The following NLRC3 variants were observed in gnomAD, a reference collection of about 807,000 sequenced individuals.
NLRC3 encodes the protein NLR family CARD domain-containing protein 3.
NLRC3 carries 87 observed loss-of-function variants against 91.6 expected under a neutral mutation model. That is an observed-to-expected ratio of 0.95 (90% confidence interval 0.80 to 1.14). NLRC3 has a LOEUF of 1.14. Among genes scored for constraint, NLRC3 ranks in the 50% most tolerant of loss-of-function variants. The probability of loss-of-function intolerance (pLI) is 0.00; values close to 1 mark genes in which losing one functional copy is unlikely to be tolerated. For missense variants in NLRC3, 1,577 were observed against 1,418.6 expected (o/e 1.11, Z -1.79); for synonymous variants, 694 against 625.3 (o/e 1.11, Z -1.64).
At chr16:3,559,357 T>C (rs1007819901) in intron 6 of NLRC3, among the ~76,000 whole-genome samples, 3 of 152,156 alleles carry the variant, frequency 2.0e-5, no homozygotes, top group Non-Finnish European at 2.9e-5. Flanking sequence ...TTCAGAATAA[T>C]TTACTTTTAT....
chr16:3,557,425 G>A (rs1483057817), intron 7 of NLRC3, among the ~76,000 whole-genome samples, 168 bp downstream of exon 7: 1 of 152,200 alleles, frequency 6.6e-6, no homozygotes, highest in Non-Finnish European at 1.5e-5. Context: ...TCCAAATGAA[G>A]TATGGATATT....
intron 1 of NLRC3, among the ~76,000 whole-genome samples, chr16:3,573,780 T>A (rs1055964646): frequency 6.6e-6 from 1 of 152,174 alleles, no homozygotes; most frequent in Non-Finnish European, 1.5e-5. Flanking sequence ...TTAACCATTT[T>A]AAAAATAATT....
At chr16:3,547,730 G>A (rs562098488) in intron 15 of NLRC3, among the ~76,000 whole-genome samples, 150 of 152,204 alleles carry the variant, frequency 9.9e-4, no homozygotes, top group Middle Eastern at 3.4e-3. Flanking sequence ...GTGCAGTGAC[G>A]CGATCTCTGC....
chr16:3,544,182 C>T (rs2151080698), intron 16 of NLRC3, 64 bp downstream of exon 16: 2 of 909,684 alleles, frequency 2.2e-6, no homozygotes, highest in South Asian at 1.5e-5. Flanking sequence ...AAAAAAAAGA[C>T]CTCTAACGTG....
chr16:3,557,602 G>A lies in NLRC3; in HGVS notation c.2090C>T (p.Thr697Ile). 2 of 1,611,682 alleles carry A rather than the reference G, an allele frequency of 1.2e-6. No homozygotes were observed. The highest frequency in any genetic ancestry group is 1.7e-6 in the Non-Finnish European group (2 of 1,177,948). ...GGTTGTCCTTACTTACTCCAGAGAGGTCAGACTTCTGTTGACCAAGAGGGA... is the reference window on the plus strand; with the variant it reads ...GGTTGTCCTTACTTACTCCAGAGAGATCAGACTTCTGTTGACCAAGAGGGA... The part of the protein sequence containing the change: ...ARSLLVNRSL[T>I]SLDLRGNSIG... Residue 697 changes from threonine to isoleucine, a missense_variant, in exon 7 of 20, where the codon ACC (threonine) becomes ATC (isoleucine). Thr to Ile is a moderately conservative substitution (Grantham distance 89, BLOSUM62 -1). Coordinates refer to ENST00000359128, the MANE Select transcript of NLRC3 (RefSeq NM_178844.4).
intron 9 of NLRC3, among the ~76,000 whole-genome samples, chr16:3,552,530 T>G (rs2039070527): frequency 6.6e-6 from 1 of 152,098 alleles, no homozygotes; most frequent in Non-Finnish European, 1.5e-5. Flanking sequence ...CAGAGATCAG[T>G]AGGTGCTGAT....
chr16:3,548,879 G>A (rs1441304326), intron 13 of NLRC3, 126 bp from the exon 14 acceptor site: 1 of 701,752 alleles, frequency 1.4e-6, no homozygotes, highest in Non-Finnish European at 2.4e-6. Context: ...GCTTCCTGGG[G>A]ATACGTTGCC....
At position 3,558,295 on chromosome 16, in the gene NLRC3, C is replaced by T. The variant is rs559849500; in HGVS notation, c.2016-619G>A. On this transcript the variant is annotated intron_variant, in intron 6 of 19. Transcript: ENST00000359128. ...GCAATGAGCCATGATGACATCACTG[C>T]GCTCCAGCCTGAGCGACAGAGTGAG... Among the ~76,000 whole-genome samples, 20 of 152,244 alleles carry T rather than the reference C, an allele frequency of 1.3e-4. No individual in the cohort carries two copies. The South Asian group carries it at 1.5e-3, about 11-fold the overall frequency.
Position 3,557,574 on chromosome 16 carries a change from C to G in NLRC3, c.2099+19G>C, listed in dbSNP as rs2039403065. 1.3e-6 allele frequency: 2 copies of G among 1,570,150 alleles called. No individual in the cohort carries two copies. The highest frequency in any genetic ancestry group is 1.8e-6 in the Non-Finnish European group (2 of 1,141,676). ...CTGGTTCCAATGGCAAAAGTTCGGCCTTGGTTGTCCTTACTTACTCCAGAG... is the reference window on the plus strand; with the variant it reads ...CTGGTTCCAATGGCAAAAGTTCGGCGTTGGTTGTCCTTACTTACTCCAGAG... On this transcript the variant is annotated intron_variant, in intron 7 of 19. Coordinates refer to ENST00000359128, the MANE Select transcript of NLRC3 (RefSeq NM_178844.4).
rs374010922 is a variant in NLRC3, at chr16:3,548,714, G to A, written c.2643C>T (p.Ala881=). Residue 881 remains alanine, a synonymous_variant, in exon 14 of 20, where the codon GCC becomes GCT. Coordinates refer to ENST00000359128, the MANE Select transcript of NLRC3 (RefSeq NM_178844.4). The part of the protein sequence containing the change: ...ANLLHDQGAR[A]IAVAVRENRT... ...GGTTTTCTCTCACTGCCACTGCGAT[G>A]GCCCGGGCACCCTGGTCGTGGAGGA... 5.7e-5 allele frequency: 91 copies of A among 1,604,160 alleles called. No individual in the cohort carries two copies. The highest frequency in any genetic ancestry group is 7.7e-5 in the Non-Finnish European group (90 of 1,175,716).
intron 15 of NLRC3, among the ~76,000 whole-genome samples, chr16:3,547,754 TG>T (rs1341166324): frequency 1.3e-5 from 2 of 152,138 alleles, no homozygotes; most frequent in Non-Finnish European, 2.9e-5. Context: ...CTGCAACCTG[TG>T]CCTCCTGAGT....
At chr16:3,567,924 G>C (rs181328854) in intron 1 of NLRC3, among the ~76,000 whole-genome samples, 6 of 151,028 alleles carry the variant, frequency 4.0e-5, no homozygotes, top group African/African-American at 1.5e-4. Context: ...GGAGTGCAAT[G>C]GCGTGATCTC....
In NLRC3 at chr16:3,565,016, C is replaced by T. The variant is rs1205633781; in HGVS notation, c.21G>A (p.Arg7=). 2 of 1,610,086 alleles carry T rather than the reference C, an allele frequency of 1.2e-6. No individual in the cohort carries two copies. The change falls in exon 4 of 20, where the codon CGG becomes CGA. Residue 7 remains arginine (R), a synonymous_variant. Coordinates refer to ENST00000359128, the MANE Select transcript of NLRC3 (RefSeq NM_178844.4). The part of the protein sequence containing the change: MRKQEV[R]TGREAGQGHG... ...GGCCCTGGCCGGCCTCCCTGCCCGT[C>T]CGCACCTCTTGCTTCCTCATGGAGT...
At chr16:3,544,183 C>A in intron 16 of NLRC3, 63 bp downstream of exon 16, 5 of 942,244 alleles carry the variant, frequency 5.3e-6, no homozygotes, top group East Asian at 2.5e-5. Context: ...AAAAAAAGAC[C>A]TCTAACGTGA....
Position 3,541,664 on chromosome 16 carries a change from G to A in NLRC3, c.*161C>T, listed in dbSNP as rs2038399275. 3 of 612,300 alleles carry A rather than the reference G, an allele frequency of 4.9e-6. No homozygotes were observed. Among genetic ancestry groups the A allele is most frequent in the South Asian group, 3.9e-5 (2 of 51,562 alleles). 37.9% of individuals were successfully genotyped at this position (612,300 alleles called of 1,614,324 possible). A position where few individuals can be genotyped will look rare whatever the true frequency, so the allele number is the denominator to read the frequency against. ...CTCCTGCAGCAGAAGAGGAGCTCAC[G>A]ACCTCCTCCGGCAGCACCTCTCCTT... On this transcript the variant is annotated 3_prime_UTR_variant, in exon 20 of 20. Coordinates refer to ENST00000359128, the MANE Select transcript of NLRC3 (RefSeq NM_178844.4).
Position 3,552,247 on chromosome 16 carries a change from G to A in NLRC3, c.2300C>T (p.Ala767Val), listed in dbSNP as rs771610790. 1.2e-6 allele frequency: 2 copies of A among 1,613,498 alleles called. No homozygotes were observed. Among genetic ancestry groups the A allele is most frequent in the South Asian group, 2.2e-5 (2 of 91,068 alleles). Reference protein sequence around the residue: ...LQKNSIGPMGAQRMADALKQN... With the variant: ...LQKNSIGPMGVQRMADALKQN... ...CTTCAAGGCATCTGCCATCCGCTGGGCTCCCATGGGCCCGATGCTGTTCTT... is the reference window on the plus strand; with the variant it reads ...CTTCAAGGCATCTGCCATCCGCTGGACTCCCATGGGCCCGATGCTGTTCTT... Residue 767 changes from alanine to valine, a missense_variant, in exon 10 of 20, where the codon GCC becomes GTC. Ala to Val is a moderately conservative substitution (Grantham distance 64). Transcript: ENST00000359128.
chr16:3,549,662 A>G, intron 12 of NLRC3, 35 bp downstream of exon 12: 1 of 1,482,450 alleles, frequency 6.7e-7, no homozygotes, highest in East Asian at 2.5e-5. Flanking sequence ...CTCGTCAAAG[A>G]AACGCCCTGT....
intron 16 of NLRC3, chr16:3,543,784 G>A (rs1371605993): frequency 6.4e-6 from 3 of 470,436 alleles, no homozygotes; most frequent in Admixed American, 3.4e-5. Context: ...CTCTCTAGGT[G>A]TTTGAGCCCC....
chr16:3,570,647 C>G (rs1199363654), intron 1 of NLRC3, among the ~76,000 whole-genome samples: 3 of 152,100 alleles, frequency 2.0e-5, no homozygotes, highest in Non-Finnish European at 4.4e-5. Context: ...TGAGAAAAAG[C>G]TACCTAGGAG....
Sources: gnomAD v4.1 joint callset for allele counts (sites outside exome capture counted in the v4.1 genomes callset) on GRCh38, gnomAD v4.1.1 for gene constraint, MANE v1.5 for transcripts, NCBI Gene and HGNC (gene_info 2026-07-23, HGNC 2026-07-21) for gene names.